The following AKAP12 variants were observed in gnomAD, a reference collection of about 807,000 sequenced individuals.
The protein encoded by AKAP12 is A-kinase anchor protein 12.
In AKAP12, 32 loss-of-function variants were observed where a neutral mutation model predicts 79.9. That is an observed-to-expected ratio of 0.40 (90% CI 0.30 to 0.54). The LOEUF (loss-of-function observed/expected upper bound fraction) is 0.54, where lower values mean the gene tolerates loss of function less well. Among genes scored for constraint, AKAP12 ranks in the 20% least tolerant of loss-of-function variants. The probability of loss-of-function intolerance (pLI) is 0.48; values close to 1 mark genes in which losing one functional copy is unlikely to be tolerated. For synonymous variants in AKAP12, 808 were observed against 857.0 expected, an observed-to-expected ratio of 0.94 and a Z score of 1.00; for missense variants, 2,074 against 2,177.0, an observed-to-expected ratio of 0.95 and a Z score of 0.94.
intron 2 of AKAP12, among the ~76,000 whole-genome samples, chr6:151,265,379 TATGTTC>T (rs1308370770): frequency 6.6e-6 from 1 of 152,246 alleles, no homozygotes; most frequent in East Asian, 1.9e-4. Context: ...TGGTCTGACT[TATGTTC>T]ATATGACTGC....
chr6:151,318,427 G>T (rs536976409), intron 3 of AKAP12, among the ~76,000 whole-genome samples: 1 of 152,174 alleles, frequency 6.6e-6, no homozygotes, highest in African/African-American at 2.4e-5. Context: ...GTCCATTTCT[G>T]TTGAGTATGT....
rs997441440 is a variant in AKAP12, at chr6:151,277,970, GTGTC to G, written c.163-27769_163-27766del. Among the ~76,000 whole-genome samples, 17 of 84,216 alleles carry G rather than the reference GTGTC, an allele frequency of 2.0e-4. No homozygotes were observed. The Admixed American group carries it at 2.3e-3, about 11-fold the overall frequency. The allele number at this position is 84,216 out of a possible 152,430, so 55.2% of individuals were successfully genotyped here. Reference sequence around the variant, plus strand: ...TGTGTGTGTGTGTGTGTGTGTGTGTGTGTCTGTCTGTTTATTTTTTTCTACCTTT... The same window carrying G: ...TGTGTGTGTGTGTGTGTGTGTGTGTGTGTCTGTTTATTTTTTTCTACCTTT... On this transcript the variant is annotated intron_variant, in intron 2 of 4. Transcript: ENST00000402676.
At chr6:151,268,955 T>TG (rs1562714344) in intron 2 of AKAP12, among the ~76,000 whole-genome samples, 4 of 124,558 alleles carry the variant, frequency 3.2e-5, no homozygotes, top group South Asian at 4.8e-4. Flanking sequence ...GTTTTTTTTT[T>TG]TTTTTTTTTT....
intron 2 of AKAP12, among the ~76,000 whole-genome samples, chr6:151,288,720 A>C (rs1582858383): frequency 2.0e-5 from 3 of 151,988 alleles, no homozygotes; most frequent in Non-Finnish European, 4.4e-5. Flanking sequence ...AGAAGTCACA[A>C]CTCATGCTTT....
chr6:151,354,283 T>A (rs1370534594), intron 4 of AKAP12, among the ~76,000 whole-genome samples: 2 of 152,140 alleles, frequency 1.3e-5, no homozygotes, highest in Non-Finnish European at 1.5e-5. Context: ...CAAGTATTTT[T>A]AAAAATTTTC....
chr6:151,305,889 T>G lies in AKAP12; in HGVS notation c.305T>G (p.Val102Gly). Residue 102 changes from valine to glycine, a missense_variant, in exon 3 of 5, where the codon GTC becomes GGC. Transcript: ENST00000402676. The stretch of plus-strand genomic sequence containing the variant: ...CTAAACAGCCAGGAGGAAGAAGAAG[T>G]CATTGTCACAGAGGGTAAGCCGCCC... The part of the protein sequence containing the change: ...GALNSQEEEE[V>G]IVTEVGQRDS... 1 of 1,610,878 alleles carries G rather than the reference T, an allele frequency of 6.2e-7. No homozygotes were observed. The highest frequency in any genetic ancestry group is 8.5e-7 in the Non-Finnish European group (1 of 1,178,576).
In AKAP12 at chr6:151,277,422, G is replaced by T. The variant is rs1776308520; in HGVS notation, c.163-28325G>T. Reference sequence around the variant, plus strand: ...CTCCTCTTTAAGAAGTGTTTTTTAAGTGCAAAATGGATGGTAAGGCGTATT... The same window carrying T: ...CTCCTCTTTAAGAAGTGTTTTTTAATTGCAAAATGGATGGTAAGGCGTATT... On this transcript the variant is annotated intron_variant, in intron 2 of 4. Transcript: ENST00000402676. 2.0e-5 allele frequency among the ~76,000 whole-genome samples: 3 copies of T among 152,160 alleles called. No homozygotes were observed. The South Asian group carries it at 6.2e-4, about 32-fold the overall frequency.
chr6:151,291,902 T>C (rs903067830), intron 2 of AKAP12, among the ~76,000 whole-genome samples: 2 of 152,194 alleles, frequency 1.3e-5, no homozygotes, highest in Non-Finnish European at 2.9e-5. Context: ...CTTCCTTCCA[T>C]GTGCAGTGCC....
chr6:151,331,033 C>T (rs1478089130), intron 3 of AKAP12, among the ~76,000 whole-genome samples: 2 of 152,140 alleles, frequency 1.3e-5, no homozygotes, highest in Non-Finnish European at 2.9e-5. Flanking sequence ...TTTTATAAAT[C>T]GGGATTCACA....
chr6:151,304,488 CAAAAAAAAAAAAAAAAAAAAAA>C (rs1157088954), intron 2 of AKAP12, among the ~76,000 whole-genome samples: 3,841 of 46,264 alleles, frequency 0.083, 335 homozygotes, highest in African/African-American at 0.19. Flanking sequence ...CACTCCATCT[CAAAAAAAAAAAAAAAAAAAAAA>C]AAAAAAAAAG....
At position 151,352,636 on chromosome 6, in the gene AKAP12, T is replaced by C. The variant is rs1778328160; in HGVS notation, c.4245T>C (p.Ser1415=). 2 of 1,614,210 alleles carry C rather than the reference T, an allele frequency of 1.2e-6. No individual in the cohort carries two copies. The highest frequency in any genetic ancestry group is 1.7e-6 in the Non-Finnish European group (2 of 1,180,044). ...AVCTKIQVQS[S]EASFTLTAAA... The stretch of plus-strand genomic sequence containing the variant: ...GCACCAAAATTCAAGTTCAGAGCTC[T>C]GAGGCATCATTCACTCTAACAGCGG... The change falls in exon 4 of 5, where the codon TCT becomes TCC. Residue 1415 remains serine (S), a synonymous_variant. Coordinates refer to ENST00000402676, the MANE Select transcript of AKAP12 (RefSeq NM_005100.4).
rs1419016872 is a variant in AKAP12 at position 151,348,629 on chromosome 6, G to C, written c.320-82G>C. ...CCTCCAGCCGGGGCAAGAGAGTGAGGCCCTGTCGGAGAAAAACAATTTTCT... is the reference window on the plus strand; with the variant it reads ...CCTCCAGCCGGGGCAAGAGAGTGAGCCCCTGTCGGAGAAAAACAATTTTCT... On this transcript the variant is annotated intron_variant, in intron 3 of 4. Transcript: ENST00000402676. 4 of 1,034,224 alleles carry C rather than the reference G, an allele frequency of 3.9e-6. No homozygotes were observed. The African/African-American group carries it at 6.5e-5, about 17-fold the overall frequency. The allele number at this position is 1,034,224 out of a possible 1,614,324, so 64.1% of individuals were successfully genotyped here.
intron 2 of AKAP12, among the ~76,000 whole-genome samples, chr6:151,256,348 AGAG>A (rs1342989903): frequency 6.6e-6 from 1 of 152,190 alleles, no homozygotes; most frequent in Non-Finnish European, 1.5e-5. Context: ...AGGCTAGAGA[AGAG>A]AGCACAATTA....
intron 2 of AKAP12, among the ~76,000 whole-genome samples, chr6:151,259,905 T>C (rs1797386073): frequency 6.7e-6 from 1 of 149,758 alleles, no homozygotes. Context: ...AACTTTCTCT[T>C]TTTTTTTTTC....
At chr6:151,348,231 G>A in intron 3 of AKAP12, 2 of 366,830 alleles carry the variant, frequency 5.5e-6, no homozygotes, top group South Asian at 4.3e-5. Context: ...GGAGGCTGAG[G>A]TGGGAGAATC....
intron 2 of AKAP12, among the ~76,000 whole-genome samples, chr6:151,268,869 C>G (rs78805934): frequency 0.037 from 5,630 of 150,942 alleles, 183 homozygotes; most frequent in East Asian, 0.15. Flanking sequence ...ATCTGGGACT[C>G]CTGTCCTCAA....
At chr6:151,341,070 T>A (rs1466124262) in intron 3 of AKAP12, among the ~76,000 whole-genome samples, 1 of 151,442 alleles carries the variant, frequency 6.6e-6, no homozygotes, top group Non-Finnish European at 1.5e-5. Flanking sequence ...TTTTTTTTTT[T>A]TGACACAGTC....
At chr6:151,275,113 A>T (rs9371500) in intron 2 of AKAP12, among the ~76,000 whole-genome samples, 75,075 of 150,158 alleles carry the variant, frequency 0.5, 18,827 homozygotes, top group Admixed American at 0.56. Context: ...CAAAAAAAAA[A>T]TTTTTTTTTA....
intron 3 of AKAP12, among the ~76,000 whole-genome samples, chr6:151,319,478 T>TATCTATC (rs1241464035): frequency 6.2e-5 from 9 of 145,650 alleles, no homozygotes; most frequent in Non-Finnish European, 1.3e-4. Flanking sequence ...TCTATCTATC[T>TATCTATC]ATCTATCTAC....
Sources: allele counts gnomAD v4.1 joint callset (sites outside exome capture counted in the v4.1 genomes callset), GRCh38; gene constraint gnomAD v4.1.1; transcripts MANE v1.5; gene names NCBI Gene and HGNC (gene_info 2026-07-23, HGNC 2026-07-21).